Variants in CACNA1C observed in about 807,000 individuals in gnomAD.
CACNA1C encodes calcium voltage-gated channel subunit alpha1 C.
Under a neutral mutation model 229.0 loss-of-function variants are expected in CACNA1C, and 30 were observed. The ratio of observed to expected loss-of-function variants is 0.13; its 90% CI spans 0.10 to 0.18. The LOEUF is 0.18. Among genes scored for constraint, CACNA1C ranks in the 10% least tolerant of loss-of-function variants. The pLI, the probability that CACNA1C is intolerant of heterozygous loss-of-function variation, is 1.00. For synonymous variants in CACNA1C, 1,114 were observed against 1,132.5 expected, an observed-to-expected ratio of 0.98 and a Z score of 0.33; for missense variants, 1,658 against 2,845.0, an observed-to-expected ratio of 0.58 and a Z score of 9.49.
rs184780566 is a variant in CACNA1C, at chr12:2,499,453, G to T, written c.1114-5389G>T. On this transcript the variant is annotated intron_variant, in intron 7 of 46. Transcript: ENST00000399655. ...CCGTGGAAGTCTGCTGGGCTGGGGA[G>T]TTGGCCTCGAGGAGAGGGGCTAGGG... Among the ~76,000 whole-genome samples, 271 of 152,330 alleles carry T rather than the reference G, an allele frequency of 1.8e-3. 6 individuals carry two copies. Among genetic ancestry groups the T allele is most frequent in the East Asian group, 7.7e-4 (4 of 5,188 alleles).
rs2092427882 is a variant in CACNA1C, at chr12:2,285,145, CTG to C, written c.478-163829_478-163828del. On this transcript the variant is annotated intron_variant, in intron 3 of 46. Coordinates refer to ENST00000399655, the MANE Select transcript of CACNA1C (RefSeq NM_000719.7). The surrounding 1 kb of genome is among the most constrained non-coding windows in gnomAD (Gnocchi z 4.2). ...ACCTTGCTCCCTCTGTAGAAACACT[CTG>C]TTTCTCTCCATTCCATCCCTGCGTG... Among the ~76,000 whole-genome samples, 2 of 152,200 alleles carry C rather than the reference CTG, an allele frequency of 1.3e-5. No homozygotes were observed. Among genetic ancestry groups the C allele is most frequent in the African/African-American group, 4.8e-5 (2 of 41,442 alleles).
intron 3 of CACNA1C, among the ~76,000 whole-genome samples, chr12:2,123,705 ATCT>A (rs1345329109): frequency 3.3e-5 from 5 of 152,150 alleles, no homozygotes; most frequent in Admixed American, 2.0e-4. Flanking sequence ...CATCTCTGAC[ATCT>A]TCTTCCCCTT....
At chr12:2,571,930 G>T (rs1344304916) in intron 13 of CACNA1C, among the ~76,000 whole-genome samples, 1 of 152,068 alleles carries the variant, frequency 6.6e-6, no homozygotes, top group Non-Finnish European at 1.5e-5. Context: ...TGGGTCATCT[G>T]TGCATGGTCC....
chr12:2,401,866 A>G (rs1465658286), intron 3 of CACNA1C, among the ~76,000 whole-genome samples: 1 of 152,160 alleles, frequency 6.6e-6, no homozygotes, highest in Non-Finnish European at 1.5e-5. Context: ...CCTTTTGTAC[A>G]CTTCTGAACA....
chr12:2,585,646 AG>A lies in CACNA1C; in HGVS notation c.2460+155del. On this transcript the variant is annotated intron_variant, in intron 17 of 46. Coordinates refer to ENST00000399655, the MANE Select transcript of CACNA1C (RefSeq NM_000719.7). This position sits in a 1 kb window ranked among gnomAD's most constrained non-coding sequence, Gnocchi z 4.1. ...AGTGGGGATGAACAGGAGAGCTGGG[AG>A]GGGGAAGATAAGGCAGATTGGCTGG... 1 of 1,063,298 alleles carries A rather than the reference AG, an allele frequency of 9.4e-7. No homozygotes were observed. Among genetic ancestry groups the A allele is most frequent in the East Asian group, 2.6e-5 (1 of 38,396 alleles). The allele number at this position is 1,063,298 out of a possible 1,614,324, so 65.9% of individuals were successfully genotyped here.
chr12:2,572,702 CT>C (rs2056462373), intron 13 of CACNA1C, among the ~76,000 whole-genome samples: 1 of 44,212 alleles, frequency 2.3e-5, no homozygotes, highest in Non-Finnish European at 4.7e-5. Flanking sequence ...TCCTTCTCCT[CT>C]TCCTCCTCCT....
rs1019372440 is a variant in CACNA1C at position 2,246,592 on chromosome 12, A to T, written c.477+126162A>T. On this transcript the variant is annotated intron_variant, in intron 3 of 46. Coordinates refer to ENST00000399655, the MANE Select transcript of CACNA1C (RefSeq NM_000719.7). ...TACCGTTGTTGTCCCCTTTGTATAG[A>T]TGAGAAAACTGAGGCACACCGAGGG... Among the ~76,000 whole-genome samples the T allele has an allele frequency of 5.3e-5, 8 of 152,188 alleles. No homozygotes were observed. The Middle Eastern group carries it at 0.01, about 194-fold the overall frequency.
Position 2,488,548 on chromosome 12 carries a change from C to T in CACNA1C, c.916+2286C>T, listed in dbSNP as rs1393608595. On this transcript the variant is annotated intron_variant, in intron 6 of 46. Coordinates refer to ENST00000399655, the MANE Select transcript of CACNA1C (RefSeq NM_000719.7). This position sits in a 1 kb window ranked among gnomAD's most constrained non-coding sequence, Gnocchi z 4.0. ...GTCCACCCTTGATAGTAAACAGGAC[C>T]AGGAAAAGTGCCTGAGAAGTTGCCT... Among the ~76,000 whole-genome samples, 1 of 152,160 alleles carries T rather than the reference C, an allele frequency of 6.6e-6. No individual in the cohort carries two copies. Among genetic ancestry groups the T allele is most frequent in the Non-Finnish European group, 1.5e-5 (1 of 68,016 alleles).
At chr12:2,264,584 G>A (rs927635670) in intron 3 of CACNA1C, among the ~76,000 whole-genome samples, 1 of 152,182 alleles carries the variant, frequency 6.6e-6, no homozygotes, top group Non-Finnish European at 1.5e-5. Flanking sequence ...AGAGATGGCT[G>A]TGTGCTCGTG....
rs527738284 is a variant in CACNA1C, at chr12:2,452,313, G to A, written c.617+3198G>A. On this transcript the variant is annotated intron_variant, in intron 4 of 46. Coordinates refer to ENST00000399655, the MANE Select transcript of CACNA1C (RefSeq NM_000719.7). ...TGAATAAACACAGAGGGACTGTGGCGGCCTCAGATCCACGTGCCCCTACCG... is the reference window on the plus strand; with the variant it reads ...TGAATAAACACAGAGGGACTGTGGCAGCCTCAGATCCACGTGCCCCTACCG... 3.3e-5 allele frequency among the ~76,000 whole-genome samples: 5 copies of A among 152,154 alleles called. No homozygotes were observed. The South Asian group carries it at 6.3e-4, about 19-fold the overall frequency.
At chr12:2,433,513 A>C (rs1327965090) in intron 3 of CACNA1C, among the ~76,000 whole-genome samples, 1 of 152,156 alleles carries the variant, frequency 6.6e-6, no homozygotes, top group Non-Finnish European at 1.5e-5. Flanking sequence ...TCATTCATTC[A>C]TCCATTCACC....
intron 3 of CACNA1C, among the ~76,000 whole-genome samples, chr12:2,362,264 G>C (rs1366917641): frequency 6.6e-6 from 1 of 152,152 alleles, no homozygotes; most frequent in East Asian, 1.9e-4. Flanking sequence ...CAGGTATGCA[G>C]CCTGTGTGTG....
chr12:2,304,208 G>A (rs2094820694), intron 3 of CACNA1C, among the ~76,000 whole-genome samples: 1 of 152,144 alleles, frequency 6.6e-6, no homozygotes, highest in African/African-American at 2.4e-5. Context: ...GTCCCAGGGT[G>A]GATTCCAGTG....
chr12:2,504,816 CACTA>C lies in CACNA1C; in HGVS notation c.1114-21_1114-18del, dbSNP rs1237345560. The C allele has an allele frequency of 4.5e-6, 6 of 1,338,224 alleles. No homozygotes were observed. Among genetic ancestry groups the C allele is most frequent in the East Asian group, 2.3e-5 (1 of 43,542 alleles). 82.9% of individuals were successfully genotyped at this position (1,338,224 alleles called of 1,614,324 possible). On this transcript the variant is annotated intron_variant, in intron 7 of 46. Coordinates refer to ENST00000399655, the MANE Select transcript of CACNA1C (RefSeq NM_000719.7). This position sits in a 1 kb window ranked among gnomAD's most constrained non-coding sequence, Gnocchi z 6.8. The stretch of plus-strand genomic sequence containing the variant: ...CCGTGCTCGGTTGCTGAGTGTGCCT[CACTA>C]ACTATCATTCCGTTCTTCCAGGTCA...
At chr12:2,455,363 A>G (rs2099411174) in intron 4 of CACNA1C, among the ~76,000 whole-genome samples, 1 of 152,136 alleles carries the variant, frequency 6.6e-6, no homozygotes, top group African/African-American at 2.4e-5. Context: ...AGTATAAAAC[A>G]TACAGCATAT....
At chr12:2,540,965 A>G (rs1478117287) in intron 9 of CACNA1C, among the ~76,000 whole-genome samples, 2 of 152,046 alleles carry the variant, frequency 1.3e-5, no homozygotes, top group Non-Finnish European at 2.9e-5. Flanking sequence ...GTTCCTCCTG[A>G]GGGTCATGAG....
At chr12:2,514,634 C>T (rs1453659588) in intron 9 of CACNA1C, among the ~76,000 whole-genome samples, 2 of 152,154 alleles carry the variant, frequency 1.3e-5, no homozygotes, top group East Asian at 1.9e-4. Context: ...TATGCTGGCT[C>T]CTGGCTCCAC....
intron 5 of CACNA1C, among the ~76,000 whole-genome samples, chr12:2,485,427 A>AG (rs1326546717): frequency 2.0e-5 from 3 of 152,256 alleles, no homozygotes; most frequent in South Asian, 4.1e-4. Context: ...GAGCTTAGTA[A>AG]GGGGGGCCTT....
chr12:2,175,529 C>A (rs1431319839), intron 3 of CACNA1C, among the ~76,000 whole-genome samples: 2 of 152,066 alleles, frequency 1.3e-5, no homozygotes, highest in Non-Finnish European at 2.9e-5. Context: ...GTGGTTATGC[C>A]CCTTCCTGTT....
Sources: allele counts gnomAD v4.1 joint callset (sites outside exome capture counted in the v4.1 genomes callset), GRCh38; gene constraint gnomAD v4.1.1; non-coding constraint Gnocchi (gnomAD v3.1); transcripts MANE v1.5; gene names NCBI Gene and HGNC (gene_info 2026-07-23, HGNC 2026-07-21).